NIN: variants seen among roughly 807,000 people sequenced by gnomAD.
The protein encoded by NIN is ninein, also known as glycogen synthase kinase 3 beta-interacting protein.
NIN carries 137 observed loss-of-function variants against 257.6 expected under a neutral mutation model. That is an observed-to-expected ratio of 0.53 (90% CI 0.46 to 0.61). The LOEUF is 0.61. Ranked by LOEUF, NIN falls within the 20% of genes least tolerant of loss-of-function variation. The pLI is 0.00. For missense variants in NIN, 2,439 were observed against 2,501.2 expected (o/e 0.98, Z 0.53); for synonymous variants, 918 against 919.8 (o/e 1.00, Z 0.04).
In NIN at chr14:50,806,655, A is replaced by G. The variant is rs1008085171; in HGVS notation, c.265+82T>C. ...GAAAGGCAGATGTCCCCAATCCTTCATATACATGCTTCAAGGTCCCCAGAT... is the reference window on the plus strand; with the variant it reads ...GAAAGGCAGATGTCCCCAATCCTTCGTATACATGCTTCAAGGTCCCCAGAT... On this transcript the variant is annotated intron_variant, in intron 4 of 30. Coordinates refer to ENST00000530997, the MANE Select transcript of NIN (RefSeq NM_020921.4). The G allele has an allele frequency of 1.4e-5, 10 of 739,032 alleles. No homozygotes were observed. In the African/African-American group the frequency reaches 1.8e-4, roughly 13 times the overall value. 45.8% of individuals were successfully genotyped at this position (739,032 alleles called of 1,614,324 possible).
At chr14:50,747,030 T>A (rs571433258) in intron 22 of NIN, among the ~76,000 whole-genome samples, 47 of 152,260 alleles carry the variant, frequency 3.1e-4, no homozygotes, top group South Asian at 1.4e-3. Context: ...CCCAGCTAAT[T>A]TTTTTGTAGA....
intron 29 of NIN, chr14:50,727,728 T>G: frequency 1.4e-6 from 2 of 1,431,388 alleles, no homozygotes; most frequent in Non-Finnish European, 1.9e-6. Context: ...CTGCGTGCAC[T>G]GCTCGCTGCT....
intron 30 of NIN, among the ~76,000 whole-genome samples, chr14:50,725,447 G>T (rs991242372): frequency 1.5e-4 from 23 of 152,102 alleles, no homozygotes; most frequent in African/African-American, 5.3e-4. Flanking sequence ...TCTTTTTGGA[G>T]TCTAGCTGTA....
At chr14:50,785,944 C>T (rs879706112) in intron 5 of NIN, among the ~76,000 whole-genome samples, 16 of 152,188 alleles carry the variant, frequency 1.1e-4, no homozygotes, top group South Asian at 2.1e-4. Flanking sequence ...AGGGTTGTCA[C>T]GACCAGAATG....
At chr14:50,790,400 A>T (rs1173602533) in intron 5 of NIN, among the ~76,000 whole-genome samples, 1 of 152,234 alleles carries the variant, frequency 6.6e-6, no homozygotes, top group Non-Finnish European at 1.5e-5. Context: ...ACTGACAGGC[A>T]CAATTCAGCT....
At chr14:50,727,707 T>G (rs1159203022) in intron 29 of NIN, 1 of 1,436,902 alleles carries the variant, frequency 7.0e-7, no homozygotes, top group East Asian at 3.1e-5. Context: ...GCCCAATCCT[T>G]CTGTAGGAAT....
Position 50,757,216 on chromosome 14 carries a change from G to C in NIN, c.3814C>G (p.Arg1272Gly), listed in dbSNP as rs753804413. 5 of 1,613,872 alleles carry C rather than the reference G, an allele frequency of 3.1e-6. No individual in the cohort carries two copies. The African/African-American group carries it at 6.7e-5, about 22-fold the overall frequency. ...LQEELRMMETRYDEALENNKE... is the reference protein window; with the variant it reads ...LQEELRMMETGYDEALENNKE... Reference sequence around the variant, plus strand: ...TTATTTTCTAGTGCCTCATCGTAGCGTGTCTCCATCATTCTCAGCTCTTCC... The same window carrying C: ...TTATTTTCTAGTGCCTCATCGTAGCCTGTCTCCATCATTCTCAGCTCTTCC... Residue 1272 changes from arginine to glycine, a missense_variant, in exon 18 of 31, where the codon CGC becomes GGC. By Grantham distance (125) the Arg-to-Gly change is moderately radical. Around this residue, in one of 3 missense-constraint regions of NIN, gnomAD observed 2,043 missense variants for 2,050.2 expected, o/e 1.00. Coordinates refer to ENST00000530997, the MANE Select transcript of NIN (RefSeq NM_020921.4).
chr14:50,789,634 T>C (rs2043497896), intron 5 of NIN, among the ~76,000 whole-genome samples: 1 of 152,088 alleles, frequency 6.6e-6, no homozygotes, highest in Non-Finnish European at 1.5e-5. Flanking sequence ...CAGAATTCAT[T>C]ATAAGAGGAA....
chr14:50,788,258 C>T (rs1234906639), intron 5 of NIN, among the ~76,000 whole-genome samples: 1 of 152,220 alleles, frequency 6.6e-6, no homozygotes, highest in Non-Finnish European at 1.5e-5. Flanking sequence ...GCTCTCCCAC[C>T]CGTGCCACCA....
chr14:50,733,343 A>C (rs533287000), intron 28 of NIN, among the ~76,000 whole-genome samples: 3 of 152,294 alleles, frequency 2.0e-5, no homozygotes, highest in Admixed American at 1.3e-4. Flanking sequence ...CACCTGCCTC[A>C]GCCTCCCAAA....
At chr14:50,742,283 T>C (rs1421695689) in intron 24 of NIN, 1 of 152,058 alleles carries the variant, frequency 6.6e-6, no homozygotes, top group East Asian at 1.9e-4. Flanking sequence ...TGGTGGCGTG[T>C]GCCTGTAGTC....
At chr14:50,814,593 A>C (rs1196212874) in intron 3 of NIN, among the ~76,000 whole-genome samples, 2 of 152,242 alleles carry the variant, frequency 1.3e-5, no homozygotes, top group Non-Finnish European at 2.9e-5. Context: ...AGACAATCCT[A>C]AGCAAAAAGA....
intron 3 of NIN, among the ~76,000 whole-genome samples, chr14:50,813,307 C>T (rs1238669497): frequency 6.6e-6 from 1 of 152,230 alleles, no homozygotes; most frequent in Non-Finnish European, 1.5e-5. Flanking sequence ...GTTGTGCATA[C>T]ACTGGTTGGT....
intron 3 of NIN, among the ~76,000 whole-genome samples, chr14:50,817,012 T>C (rs1004997262): frequency 2.0e-5 from 3 of 152,230 alleles, no homozygotes; most frequent in East Asian, 3.8e-4. Context: ...TCAGGTCTTC[T>C]TGTTTATCAA....
intron 25 of NIN, among the ~76,000 whole-genome samples, chr14:50,740,547 A>T (rs947657741): frequency 2.6e-5 from 4 of 151,916 alleles, no homozygotes; most frequent in African/African-American, 9.7e-5. Flanking sequence ...ATGGGGTTTC[A>T]ACATGTTGGG....
At chr14:50,753,295 G>C (rs2041876233) in intron 20 of NIN, among the ~76,000 whole-genome samples, 1 of 152,226 alleles carries the variant, frequency 6.6e-6, no homozygotes, top group Non-Finnish European at 1.5e-5. Flanking sequence ...AGCTATTTGG[G>C]AGGCTGAGAC....
At position 50,719,907 on chromosome 14, in the gene NIN, T is replaced by C. The variant is rs1243045230; in HGVS notation, c.*3556A>G. 1 of 209,438 alleles carries C rather than the reference T, an allele frequency of 4.8e-6. No homozygotes were observed. The highest frequency in any genetic ancestry group is 9.7e-6 in the Non-Finnish European group (1 of 102,834). The allele number at this position is 209,438 out of a possible 1,614,324, so 13.0% of individuals were successfully genotyped here. A position where few individuals can be genotyped will look rare whatever the true frequency, so the allele number is the denominator to read the frequency against. ...TAAGATGAAATATACAAAGCTGATA[T>C]AAACACAGAACTCATTAATCTTTAT... On this transcript the variant is annotated 3_prime_UTR_variant, in exon 31 of 31. Transcript: ENST00000530997.
chr14:50,743,349 C>T (rs909992278), intron 24 of NIN, 67 bp downstream of exon 24: 29 of 1,027,832 alleles, frequency 2.8e-5, no homozygotes, highest in South Asian at 5.2e-5. Flanking sequence ...CTCTTTTTAC[C>T]GGGATTTCTG....
At chr14:50,792,965 C>G in intron 4 of NIN, 84 bp from the exon 5 acceptor site, 1 of 1,373,974 alleles carries the variant, frequency 7.3e-7, no homozygotes, top group East Asian at 2.3e-5. Flanking sequence ...GACACAGCCT[C>G]TTATACCAAC....
Sources: allele counts gnomAD v4.1 joint callset (sites outside exome capture counted in the v4.1 genomes callset), GRCh38; gene constraint gnomAD v4.1.1; regional missense constraint gnomAD v4.1.1; transcripts MANE v1.5; gene names NCBI Gene and HGNC (gene_info 2026-07-23, HGNC 2026-07-21).